The following XYLB variants were observed in gnomAD, a reference collection of about 807,000 sequenced individuals.
XYLB encodes xylulokinase.
A neutral mutation model predicts 78.7 loss-of-function variants in XYLB; 62 were observed. That is an observed-to-expected ratio of 0.79 (90% CI 0.64 to 0.97). The LOEUF (loss-of-function observed/expected upper bound fraction) is 0.97. Ranked by LOEUF, XYLB falls within the 50% of genes least tolerant of loss-of-function variation. XYLB has a pLI of 0.00. For synonymous variants in XYLB, 245 were observed against 247.4 expected, an observed-to-expected ratio of 0.99 and a Z score of 0.09; for missense variants, 687 against 676.8, an observed-to-expected ratio of 1.02 and a Z score of -0.17.
At chr3:38,383,624 T>C (rs1280222407) in intron 15 of XYLB, among the ~76,000 whole-genome samples, 1 of 151,674 alleles carries the variant, frequency 6.6e-6, no homozygotes. Flanking sequence ...ATAATAATTA[T>C]AAATATCCCA....
the XYLB span, among the ~76,000 whole-genome samples, chr3:38,447,806 A>C: frequency 6.6e-6 from 1 of 152,218 alleles, no homozygotes; most frequent in African/African-American, 2.4e-5. Flanking sequence ...ATTCTTGTTT[A>C]TTATTGCACT....
chr3:38,448,313 A>C, the XYLB span, among the ~76,000 whole-genome samples: 336 of 152,298 alleles, frequency 2.2e-3, 2 homozygotes, highest in African/African-American at 7.9e-3. Flanking sequence ...TCAATGTCTG[A>C]TAGCTGAGTA....
downstream of XYLB, chr3:38,421,385 C>T (rs1027678979): frequency 6.6e-6 from 1 of 152,384 alleles, no homozygotes; most frequent in East Asian, 1.9e-4. Flanking sequence ...AGAAGGGGAG[C>T]TCAGAAGCAT....
At position 38,413,308 on chromosome 3, in the gene XYLB, AC is replaced by A. The variant is rs549207512; in HGVS notation, c.*296del. ...TGGGATATGTCCAATAAAAACTATG[AC>A]TTTTCCCCTTGCAGAGGCAGAATTA... is the stretch of plus-strand genomic sequence containing the variant. On this transcript the variant is annotated 3_prime_UTR_variant, in exon 19 of 19. Coordinates refer to ENST00000207870, the MANE Select transcript of XYLB (RefSeq NM_005108.4). 1,708 of 321,612 alleles carry A rather than the reference AC, an allele frequency of 5.3e-3. 16 individuals carry two copies. The highest frequency in any genetic ancestry group is 5.0e-3 in the Middle Eastern group (6 of 1,198). The allele number at this position is 321,612 out of a possible 1,614,324, so 19.9% of individuals were successfully genotyped here. A position where few individuals can be genotyped will look rare whatever the true frequency, so the allele number is the denominator to read the frequency against.
intron 2 of XYLB, among the ~76,000 whole-genome samples, chr3:38,351,663 T>C (rs576584212): frequency 3.9e-5 from 6 of 152,304 alleles, no homozygotes; most frequent in African/African-American, 1.4e-4. Context: ...CTCCTGCCTC[T>C]TTGCAAGCGA....
Position 38,412,996 on chromosome 3 carries a change from C to A in XYLB, c.1594C>A (p.Arg532=). The change falls in exon 19 of 19, where the codon CGG becomes AGG. Residue 532 remains arginine, a synonymous_variant. Coordinates refer to ENST00000207870, the MANE Select transcript of XYLB (RefSeq NM_005108.4). ...CGAGCAGAGAATCTTGTCTCAGACC[C>A]GGGGGCCTCCGGAGTGAACAGGCAT... ...KLEQRILSQT[R]GPPE 1.2e-6 allele frequency: 2 copies of A among 1,601,572 alleles called. No individual in the cohort carries two copies. Among genetic ancestry groups the A allele is most frequent in the Non-Finnish European group, 1.7e-6 (2 of 1,175,854 alleles).
At position 38,413,167 on chromosome 3, in the gene XYLB, A is replaced by T; in HGVS notation, c.*154A>T. 1 of 613,180 alleles carries T rather than the reference A, an allele frequency of 1.6e-6. No homozygotes were observed. The highest frequency in any genetic ancestry group is 3.4e-5 in the East Asian group (1 of 29,456). The allele number at this position is 613,180 out of a possible 1,614,324, so 38.0% of individuals were successfully genotyped here. A position where few individuals can be genotyped will look rare whatever the true frequency, so the allele number is the denominator to read the frequency against. ...CCAGGACCATCTTAAAGCCGCCCTC[A>T]GCACATCTGCATGAAGATAGATAGG... On this transcript the variant is annotated 3_prime_UTR_variant, in exon 19 of 19. Coordinates refer to ENST00000207870, the MANE Select transcript of XYLB (RefSeq NM_005108.4).
At chr3:38,362,063 C>T (rs1486457779) in intron 3 of XYLB, among the ~76,000 whole-genome samples, 1 of 152,142 alleles carries the variant, frequency 6.6e-6, no homozygotes, top group East Asian at 1.9e-4. Flanking sequence ...GAACAGGTGG[C>T]CATCATCTCT....
intron 15 of XYLB, among the ~76,000 whole-genome samples, chr3:38,386,207 T>C (rs1707378196): frequency 6.6e-6 from 1 of 152,166 alleles, no homozygotes; most frequent in Admixed American, 6.6e-5. Context: ...GCTTCTCTGC[T>C]TACCCTTACC....
At chr3:38,436,126 C>A in the XYLB span, among the ~76,000 whole-genome samples, 2 of 151,800 alleles carry the variant, frequency 1.3e-5, no homozygotes, top group Admixed American at 6.6e-5. Flanking sequence ...AAAGGATAAA[C>A]AAAACAAAAA....
chr3:38,391,993 C>A (rs941400640), intron 15 of XYLB, among the ~76,000 whole-genome samples: 1 of 152,098 alleles, frequency 6.6e-6, no homozygotes, highest in Non-Finnish European at 1.5e-5. Context: ...TTCACTCAGT[C>A]CCCCCATGCA....
downstream of XYLB, among the ~76,000 whole-genome samples, chr3:38,416,769 G>T (rs1439344838): frequency 1.3e-5 from 2 of 152,154 alleles, no homozygotes; most frequent in Admixed American, 6.5e-5. Flanking sequence ...TCACAAGGAG[G>T]ATATACTATT....
chr3:38,363,842 C>T (rs1402215947), intron 4 of XYLB, among the ~76,000 whole-genome samples: 1 of 152,150 alleles, frequency 6.6e-6, no homozygotes, highest in South Asian at 2.1e-4. Context: ...TCATTCAGTC[C>T]CTTGGCTGTG....
At chr3:38,390,598 T>G (rs984315189) in intron 15 of XYLB, among the ~76,000 whole-genome samples, 2 of 152,116 alleles carry the variant, frequency 1.3e-5, no homozygotes, top group Admixed American at 6.5e-5. Flanking sequence ...TCACGGCTCA[T>G]TGCAGCCTTG....
At chr3:38,377,457 T>TA (rs397770142) in intron 14 of XYLB, among the ~76,000 whole-genome samples, 36 of 150,192 alleles carry the variant, frequency 2.4e-4, no homozygotes, top group African/African-American at 8.6e-4. Flanking sequence ...TTTTTTTTTT[T>TA]AATTTTTTGA....
At chr3:38,387,614 C>T (rs766498574) in intron 15 of XYLB, among the ~76,000 whole-genome samples, 13 of 152,216 alleles carry the variant, frequency 8.5e-5, no homozygotes, top group South Asian at 4.1e-4. Flanking sequence ...TCAGGTGATC[C>T]GCCTGCCTCA....
At chr3:38,375,852 CTG>C (rs1706824693) in intron 12 of XYLB, among the ~76,000 whole-genome samples, 1 of 152,168 alleles carries the variant, frequency 6.6e-6, no homozygotes, top group Non-Finnish European at 1.5e-5. Flanking sequence ...CCCAAGCTCC[CTG>C]TCTCTACCTG....
chr3:38,391,698 G>A (rs1707662984), intron 15 of XYLB, among the ~76,000 whole-genome samples: 1 of 152,158 alleles, frequency 6.6e-6, no homozygotes, highest in Admixed American at 6.5e-5. Context: ...AGGTGTTTAG[G>A]TCATGAGGGC....
Position 38,370,182 on chromosome 3 carries a change from T to C in XYLB, c.765+8T>C. On this transcript the variant is annotated splice_region_variant and intron_variant, in intron 9 of 18. Transcript: ENST00000207870. ...CCATCATGCTCAGTTGTGGTAGGTC[T>C]CCTTTCTGGTGATGTGGCTCATTTA... The C allele has an allele frequency of 6.2e-7, 1 of 1,611,148 alleles. No individual in the cohort carries two copies. Among genetic ancestry groups the C allele is most frequent in the Non-Finnish European group, 8.5e-7 (1 of 1,177,642 alleles).
Sources: allele counts gnomAD v4.1 joint callset (sites outside exome capture counted in the v4.1 genomes callset), GRCh38; gene constraint gnomAD v4.1.1; transcripts MANE v1.5; gene names NCBI Gene and HGNC (gene_info 2026-07-23, HGNC 2026-07-21).